Variants in MYO10 observed in about 807,000 individuals in gnomAD.
MYO10 encodes the protein myosin X, also known as unconventional myosin-X.
MYO10 carries 133 observed loss-of-function variants against 257.3 expected under a neutral mutation model. The observed-to-expected ratio is 0.52, with a 90% CI of 0.45 to 0.60. The LOEUF (loss-of-function observed/expected upper bound fraction) is 0.60, where lower values mean the gene tolerates loss of function less well. MYO10 is among the 20% of genes least tolerant of loss of function. The pLI is 0.00. For missense variants in MYO10, 2,399 were observed against 2,635.7 expected, an observed-to-expected ratio of 0.91 and a Z score of 1.97; for synonymous variants, 1,104 against 1,028.6, an observed-to-expected ratio of 1.07 and a Z score of -1.40.
chr5:16,923,311 G>A (rs562721037), intron 1 of MYO10, among the ~76,000 whole-genome samples: 27 of 146,744 alleles, frequency 1.8e-4, no homozygotes, highest in Admixed American at 1.3e-3. Flanking sequence ...TTTTTGAGGC[G>A]GAATCTCGCT....
At chr5:16,747,737 A>T (rs1740238778) in intron 19 of MYO10, among the ~76,000 whole-genome samples, 1 of 151,982 alleles carries the variant, frequency 6.6e-6, no homozygotes, top group African/African-American at 2.4e-5. Flanking sequence ...GCTAACACAG[A>T]GAAACCCCCG....
chr5:16,691,767 G>A (rs59574363), intron 27 of MYO10, among the ~76,000 whole-genome samples: 42,915 of 150,946 alleles, frequency 0.28, 6,245 homozygotes, highest in South Asian at 0.37. Flanking sequence ...GCTACTCTAA[G>A]CCTTCTTAAC....
intron 2 of MYO10, among the ~76,000 whole-genome samples, chr5:16,827,567 G>A (rs34717408): frequency 0.33 from 50,310 of 152,066 alleles, 8,785 homozygotes; most frequent in East Asian, 0.41. Context: ...GATTACAGGC[G>A]TGAGCCACTG....
At chr5:16,830,679 G>GCACACACACACACACACACACACTCA (rs1554000807) in intron 2 of MYO10, among the ~76,000 whole-genome samples, 2 of 148,920 alleles carry the variant, frequency 1.3e-5, no homozygotes, top group East Asian at 2.0e-4. Flanking sequence ...TTTTTAATAG[G>GCACACACACACACACACACACACTCA]CACACACACA....
chr5:16,918,313 A>G (rs2126798198), intron 1 of MYO10, among the ~76,000 whole-genome samples: 1 of 152,252 alleles, frequency 6.6e-6, no homozygotes, highest in East Asian at 1.9e-4. Flanking sequence ...ATTACAAGCA[A>G]GATTTACAAA....
chr5:16,843,767 T>A (rs535937455), intron 2 of MYO10, among the ~76,000 whole-genome samples: 15 of 151,656 alleles, frequency 9.9e-5, no homozygotes, highest in African/African-American at 3.2e-4. Flanking sequence ...GAAAAAAAAA[T>A]TTTTTTGAAG....
chr5:16,880,884 T>C (rs1744738517), intron 1 of MYO10, among the ~76,000 whole-genome samples: 1 of 152,214 alleles, frequency 6.6e-6, no homozygotes, highest in South Asian at 2.1e-4. Context: ...ATTTGTAACA[T>C]TCTAGAAAAA....
intron 2 of MYO10, among the ~76,000 whole-genome samples, chr5:16,845,344 T>C (rs1053220464): frequency 3.9e-5 from 6 of 152,164 alleles, no homozygotes; most frequent in Non-Finnish European, 8.8e-5. Context: ...CCCACGATTA[T>C]GTCCTTCCCA....
intron 2 of MYO10, among the ~76,000 whole-genome samples, chr5:16,848,708 C>G (rs1049872011): frequency 6.6e-6 from 1 of 151,984 alleles, no homozygotes; most frequent in African/African-American, 2.4e-5. Flanking sequence ...AGTCTCTGCT[C>G]AACAATTCAA....
chr5:16,830,683 A>ACACACACACACACTCACACG (rs1462276135), intron 2 of MYO10, among the ~76,000 whole-genome samples: 1 of 151,886 alleles, frequency 6.6e-6, no homozygotes, highest in Admixed American at 6.6e-5. Flanking sequence ...TAATAGGCAC[A>ACACACACACACACTCACACG]CACACACACA....
At position 16,698,630 on chromosome 5, in the gene MYO10, T is replaced by G. The variant is rs924968480; in HGVS notation, c.3556+820A>C. On this transcript the variant is annotated intron_variant, in intron 26 of 40. Transcript: ENST00000513610. ...GGCAGGAGAGAACATGCAGTTTTTT[T>G]TTTTTTTTTTTGAGACAGCGTCTGG... 6.6e-5 allele frequency among the ~76,000 whole-genome samples: 9 copies of G among 136,210 alleles called. 1 individual carries two copies. Among genetic ancestry groups the G allele is most frequent in the South Asian group, 2.3e-4 (1 of 4,314 alleles). 89.4% of individuals were successfully genotyped at this position (136,210 alleles called of 152,430 possible).
At chr5:16,821,134 ATATG>A (rs912102060) in intron 2 of MYO10, among the ~76,000 whole-genome samples, 84 of 147,830 alleles carry the variant, frequency 5.7e-4, no homozygotes, top group African/African-American at 2.0e-3. Flanking sequence ...ATATGTATGT[ATATG>A]TATGTATAAA....
chr5:16,816,337 C>CAAAAAA (rs369557076), intron 3 of MYO10, among the ~76,000 whole-genome samples: 3 of 106,332 alleles, frequency 2.8e-5, no homozygotes, highest in African/African-American at 1.1e-4. Context: ...GACTCTGTCT[C>CAAAAAA]AAAAAAAAAA....
chr5:16,754,822 T>A lies in MYO10; in HGVS notation c.1929+6A>T. 6.3e-7 allele frequency: 1 copy of A among 1,591,152 alleles called. No individual in the cohort carries two copies. On this transcript the variant is annotated splice_donor_region_variant and intron_variant, in intron 19 of 40. Transcript: ENST00000513610. ...GATCCCAGCCTAGGACTGTCATCAA[T>A]CTTACCTTCTGCATGTTTGGCTTGA...
intron 27 of MYO10, among the ~76,000 whole-genome samples, chr5:16,693,386 TTC>T (rs1213029919): frequency 6.6e-6 from 1 of 152,154 alleles, no homozygotes; most frequent in Non-Finnish European, 1.5e-5. Context: ...AGACCCAGGA[TTC>T]TCACAAGCGC....
chr5:16,716,056 G>GAAA (rs36040969), intron 19 of MYO10, among the ~76,000 whole-genome samples: 27 of 144,876 alleles, frequency 1.9e-4, no homozygotes, highest in African/African-American at 6.1e-4. Flanking sequence ...ACTCCGTCTC[G>GAAA]AAAAAAAAAA....
chr5:16,840,122 G>T (rs1428802803), intron 2 of MYO10, among the ~76,000 whole-genome samples: 1 of 152,160 alleles, frequency 6.6e-6, no homozygotes, highest in Non-Finnish European at 1.5e-5. Context: ...CAATTTAAAA[G>T]AAAGAACAGG....
intron 1 of MYO10, chr5:16,902,367 CG>C: frequency 8.2e-7 from 1 of 1,224,862 alleles, no homozygotes; most frequent in Non-Finnish European, 1.2e-6. Context: ...TCGGTCCTTG[CG>C]GGCTTCACGA....
chr5:16,760,983 AT>A (rs1355400060), intron 17 of MYO10, among the ~76,000 whole-genome samples: 3 of 127,736 alleles, frequency 2.3e-5, no homozygotes, highest in African/African-American at 1.0e-4. Flanking sequence ...ATTATTATTA[AT>A]TTATTTATTT....
Sources: allele counts gnomAD v4.1 joint callset (sites outside exome capture counted in the v4.1 genomes callset), GRCh38; gene constraint gnomAD v4.1.1; transcripts MANE v1.5; gene names NCBI Gene and HGNC (gene_info 2026-07-23, HGNC 2026-07-21).